The following CNIH3 variants were observed in gnomAD, a reference collection of about 807,000 sequenced individuals.
The protein encoded by CNIH3 is protein cornichon homolog 3.
In CNIH3, 14 loss-of-function variants were observed where a neutral mutation model predicts 24.1. The ratio of observed to expected loss-of-function variants is 0.58; its 90% CI spans 0.38 to 0.91. The LOEUF (loss-of-function observed/expected upper bound fraction) is 0.91, where lower values mean the gene tolerates loss of function less well. Among genes scored for constraint, CNIH3 ranks in the 40% least tolerant of loss-of-function variants. The pLI is 0.00. For missense variants in CNIH3, 178 were observed against 196.8 expected (o/e 0.90, Z 0.57); for synonymous variants, 68 against 73.8 (o/e 0.92, Z 0.40).
At chr1:224,653,186 G>A (rs1339803415) in intron 1 of CNIH3, among the ~76,000 whole-genome samples, 1 of 152,218 alleles carries the variant, frequency 6.6e-6, no homozygotes, top group East Asian at 1.9e-4. Context: ...ACTTTGGGAG[G>A]CTGAGGCAGG....
chr1:224,627,944 C>T (rs1307852796), intron 1 of CNIH3, among the ~76,000 whole-genome samples: 2 of 152,128 alleles, frequency 1.3e-5, no homozygotes, highest in African/African-American at 4.8e-5. Flanking sequence ...TTACTCCAGC[C>T]GAAGGATTGA....
chr1:224,457,413 T>C (rs2102976733), intron 1 of CNIH3, among the ~76,000 whole-genome samples: 1 of 152,000 alleles, frequency 6.6e-6, no homozygotes, highest in South Asian at 2.1e-4. Flanking sequence ...TGACTCTGCC[T>C]AGCCTTTACA....
intron 1 of CNIH3, among the ~76,000 whole-genome samples, chr1:224,645,580 T>A (rs7544312): frequency 6.6e-6 from 1 of 152,214 alleles, no homozygotes; most frequent in South Asian, 2.1e-4. Flanking sequence ...TTCCAAAATA[T>A]GGTGGGTGGT....
chr1:224,738,775 T>C (rs1354194535), intron 5 of CNIH3, among the ~76,000 whole-genome samples: 1 of 152,178 alleles, frequency 6.6e-6, no homozygotes, highest in African/African-American at 2.4e-5. Flanking sequence ...GTTTAATTCC[T>C]GGAGTCCATT....
intron 3 of CNIH3, among the ~76,000 whole-genome samples, chr1:224,722,616 A>G (rs1308250306): frequency 6.6e-6 from 1 of 152,178 alleles, no homozygotes; most frequent in Non-Finnish European, 1.5e-5. Flanking sequence ...GGACCTTGTT[A>G]GAAAGGGGGA....
At chr1:224,716,372 G>A (rs898044737) in intron 3 of CNIH3, among the ~76,000 whole-genome samples, 7 of 152,108 alleles carry the variant, frequency 4.6e-5, no homozygotes, top group African/African-American at 7.2e-5. Context: ...ATAACTTCAC[G>A]CAGGCAAGGA....
At chr1:224,597,770 C>A (rs1265334441) in intron 3 of CNIH3, among the ~76,000 whole-genome samples, 2 of 152,166 alleles carry the variant, frequency 1.3e-5, no homozygotes, top group Non-Finnish European at 2.9e-5. Context: ...GTTCTGTGAG[C>A]TGCTCTAGCA....
At chr1:224,565,053 G>A (rs992346569) in intron 3 of CNIH3, among the ~76,000 whole-genome samples, 1 of 152,210 alleles carries the variant, frequency 6.6e-6, no homozygotes, top group Non-Finnish European at 1.5e-5. Flanking sequence ...AGGTTCAGTT[G>A]ATTCCATTTA....
chr1:224,698,511 T>C (rs1196097217), intron 3 of CNIH3, among the ~76,000 whole-genome samples: 1 of 152,194 alleles, frequency 6.6e-6, no homozygotes, highest in Non-Finnish European at 1.5e-5. Flanking sequence ...GGTGTACTGA[T>C]AAATGACAAA....
chr1:224,675,959 A>G (rs1686118261), intron 1 of CNIH3, among the ~76,000 whole-genome samples: 1 of 152,222 alleles, frequency 6.6e-6, no homozygotes. Context: ...AATTAAATCT[A>G]CACTTACCAC....
At chr1:224,552,803 A>G (rs915269351) in intron 3 of CNIH3, among the ~76,000 whole-genome samples, 1 of 150,862 alleles carries the variant, frequency 6.6e-6, no homozygotes, top group Non-Finnish European at 1.5e-5. Context: ...TCTCCGTTAG[A>G]TACTACAAAT....
chr1:224,466,729 G>C lies in CNIH3; in HGVS notation n.203+31867G>C, dbSNP rs1253453640. Among the ~76,000 whole-genome samples the C allele has an allele frequency of 2.0e-5, 3 of 152,184 alleles. No individual in the cohort carries two copies. In the East Asian group the frequency reaches 5.8e-4, roughly 29 times the overall value. On this transcript the variant is annotated intron_variant and non_coding_transcript_variant, in intron 1 of 5. Coordinates refer to the CNIH3 transcript ENST00000471578. The stretch of plus-strand genomic sequence containing the variant: ...TTCTACATTCCTGCCAGCCATGTAA[G>C]AGTGATCCAGTTTTTCCCATATCCT...
chr1:224,637,876 CCT>C (rs1308063527), intron 1 of CNIH3, among the ~76,000 whole-genome samples: 4 of 152,208 alleles, frequency 2.6e-5, no homozygotes, highest in Middle Eastern at 3.2e-3. Context: ...CCCCAGTCCC[CCT>C]GTCTGGCACT....
rs184024289 is a variant in CNIH3, at chr1:224,696,381, G to T, written c.198+11538G>T. On this transcript the variant is annotated intron_variant, in intron 3 of 5. Transcript: ENST00000272133. ...AATCTAGTCTTGATTCTGTGGGGCT[G>T]TGTGCTCAGCTCAACATCAGGGACT... Among the ~76,000 whole-genome samples the T allele has an allele frequency of 5.3e-5, 8 of 152,360 alleles. No homozygotes were observed. The East Asian group carries it at 1.5e-3, about 29-fold the overall frequency.
At chr1:224,634,837 C>T (rs936791775) in intron 1 of CNIH3, among the ~76,000 whole-genome samples, 16 of 152,190 alleles carry the variant, frequency 1.1e-4, no homozygotes, top group Non-Finnish European at 1.5e-4. Flanking sequence ...CAAGCCTCGG[C>T]CCTACCTGCA....
chr1:224,614,971 ATAAATAAG>A (rs1282869532), upstream of CNIH3, among the ~76,000 whole-genome samples: 13 of 146,846 alleles, frequency 8.9e-5, no homozygotes, highest in African/African-American at 3.4e-4. Context: ...AAATAAATAA[ATAAATAAG>A]TAAAAGATGT....
At position 224,688,225 on chromosome 1, in the gene CNIH3, T is replaced by A. The variant is rs1279572765; in HGVS notation, c.198+3382T>A. Among the ~76,000 whole-genome samples the A allele has an allele frequency of 2.0e-5, 3 of 152,162 alleles. No individual in the cohort carries two copies. In the East Asian group the frequency reaches 5.8e-4, roughly 29 times the overall value. On this transcript the variant is annotated intron_variant, in intron 3 of 5. Transcript: ENST00000272133. ...TTTTGTTTTATTAAGTTTAGGAGGG[T>A]GATTTCAACATAATTTCTTTCTGAA...
chr1:224,734,978 A>G (rs1363712263), intron 5 of CNIH3, among the ~76,000 whole-genome samples: 1 of 152,112 alleles, frequency 6.6e-6, no homozygotes, highest in Non-Finnish European at 1.5e-5. Context: ...ATCCCTTTGG[A>G]GATAACTGGT....
intron 1 of CNIH3, among the ~76,000 whole-genome samples, chr1:224,667,752 A>AT (rs1195365957): frequency 3.1e-5 from 4 of 131,068 alleles, no homozygotes; most frequent in South Asian, 2.6e-4. Flanking sequence ...AGTCAGTCCA[A>AT]TAAAAAAAAA....
Sources: allele counts gnomAD v4.1 joint callset (sites outside exome capture counted in the v4.1 genomes callset), GRCh38; gene constraint gnomAD v4.1.1; transcripts MANE v1.5; gene names NCBI Gene and HGNC (gene_info 2026-07-23, HGNC 2026-07-21).